Variants in CCDC141 observed in about 807,000 individuals in gnomAD.
CCDC141 encodes the protein coiled-coil domain-containing protein 141.
A neutral mutation model predicts 181.0 loss-of-function variants in CCDC141; 168 were observed. That is an observed-to-expected ratio of 0.93 (90% CI 0.82 to 1.05). The LOEUF is 1.05. Ranked by LOEUF, CCDC141 falls within the 50% of genes least tolerant of loss-of-function variation. The pLI, the probability that CCDC141 is intolerant of heterozygous loss-of-function variation, is 0.00. For synonymous variants in CCDC141, 666 were observed against 642.3 expected, an observed-to-expected ratio of 1.04 and a Z score of -0.56; for missense variants, 1,902 against 1,788.5, an observed-to-expected ratio of 1.06 and a Z score of -1.14.
the CCDC141 span, among the ~76,000 whole-genome samples, chr2:178,816,615 G>C: frequency 2.0e-5 from 3 of 152,160 alleles, no homozygotes; most frequent in Non-Finnish European, 4.4e-5. Flanking sequence ...AGAAACTGCC[G>C]AACTGTCTTC....
intron 8 of CCDC141, among the ~76,000 whole-genome samples, chr2:178,901,896 A>C (rs1489789621): frequency 1.3e-5 from 2 of 152,248 alleles, no homozygotes; most frequent in Admixed American, 1.3e-4. Context: ...GCTGATAAGC[A>C]ACTTCAGCAG....
intron 2 of CCDC141, among the ~76,000 whole-genome samples, chr2:179,017,282 G>T (rs1325456894): frequency 6.6e-6 from 1 of 152,066 alleles, no homozygotes; most frequent in East Asian, 1.9e-4. Context: ...AGACACCTGT[G>T]TTAAGGAACC....
Position 178,855,456 on chromosome 2 carries a change from A to G in CCDC141, c.2951T>C (p.Leu984Ser). ...TTTTTGCAAATCCTTCATGACTTCC[A>G]AAAGGACATTAACTTTATCACTTGG... ...NYPSDKVNVL[L>S]EVMKDLQKHV... Residue 984 changes from leucine (L) to serine (S), a missense_variant, in exon 19 of 24, where the codon TTG (leucine) becomes TCG (serine). By Grantham distance (145) the Leu-to-Ser change is moderately radical. Transcript: ENST00000443758. 6.2e-7 allele frequency: 1 copy of G among 1,611,852 alleles called. No homozygotes were observed.
At chr2:179,005,486 TA>T (rs1202691451) in intron 2 of CCDC141, among the ~76,000 whole-genome samples, 1 of 152,132 alleles carries the variant, frequency 6.6e-6, no homozygotes, top group South Asian at 2.1e-4. Context: ...TAAAAAACAA[TA>T]AAAAAGTAAC....
chr2:178,982,601 G>A (rs1394251456), intron 2 of CCDC141, among the ~76,000 whole-genome samples: 1 of 152,072 alleles, frequency 6.6e-6, no homozygotes, highest in Non-Finnish European at 1.5e-5. Flanking sequence ...CAGGTCAGTG[G>A]GTGCACGCAC....
At chr2:179,007,401 A>C (rs747813023) in intron 2 of CCDC141, among the ~76,000 whole-genome samples, 1 of 152,184 alleles carries the variant, frequency 6.6e-6, no homozygotes, top group Admixed American at 6.5e-5. Context: ...AGTAAATTGA[A>C]ATCTTTAAAT....
chr2:178,871,090 C>A (rs551491740), intron 14 of CCDC141, among the ~76,000 whole-genome samples: 1 of 152,016 alleles, frequency 6.6e-6, no homozygotes, highest in African/African-American at 2.4e-5. Context: ...TCTGAGATGT[C>A]TCAATTTAAA....
chr2:178,993,024 T>C (rs1276708235), intron 2 of CCDC141, among the ~76,000 whole-genome samples: 4 of 152,196 alleles, frequency 2.6e-5, no homozygotes, highest in Non-Finnish European at 2.9e-5. Context: ...CTCTTTCCTT[T>C]ATAAATTAGC....
chr2:179,019,290 C>T (rs887444652), intron 2 of CCDC141, among the ~76,000 whole-genome samples: 5 of 152,064 alleles, frequency 3.3e-5, no homozygotes, highest in African/African-American at 9.7e-5. Context: ...TCACGGTCTA[C>T]GTTGCTGATA....
chr2:178,961,322 T>A lies in CCDC141; in HGVS notation c.688A>T (p.Arg230Trp). 6.4e-7 allele frequency: 1 copy of A among 1,550,584 alleles called. No homozygotes were observed. The highest frequency in any genetic ancestry group is 8.7e-7 in the Non-Finnish European group (1 of 1,146,944). Residue 230 changes from arginine (R) to tryptophan (W), a missense_variant, in exon 5 of 24, where the codon AGG (arginine) becomes TGG (tryptophan). By Grantham distance (101) the Arg-to-Trp change is moderately radical (BLOSUM62 -3). Coordinates refer to ENST00000443758, the MANE Select transcript of CCDC141 (RefSeq NM_173648.4). The part of the protein sequence containing the change: ...VDRLLELLQD[R>W]RRQLDKYLKQ... ...AAGTACTTGTCTAGTTGTCTTCTCC[T>A]GTCTTGTAGAAGTTCAAGAAGGCGG... is the stretch of plus-strand genomic sequence containing the variant.
At chr2:178,891,811 C>T (rs913804568) in intron 8 of CCDC141, among the ~76,000 whole-genome samples, 1 of 151,610 alleles carries the variant, frequency 6.6e-6, no homozygotes, top group East Asian at 1.9e-4. Context: ...TTTTCAGTAA[C>T]CTTGGAGATT....
chr2:178,958,834 T>C (rs1215970586), intron 5 of CCDC141, among the ~76,000 whole-genome samples: 1 of 151,680 alleles, frequency 6.6e-6, no homozygotes, highest in Non-Finnish European at 1.5e-5. Context: ...GCTATTTTCT[T>C]ACTCTTGGGA....
intron 4 of CCDC141, 40 bp from the exon 5 acceptor site, chr2:178,961,523 G>A (rs1690401477): frequency 6.8e-7 from 1 of 1,466,604 alleles, no homozygotes; most frequent in Non-Finnish European, 9.2e-7. Context: ...AATGATATTA[G>A]CAAGCTTTTA....
chr2:179,033,488 T>G (rs533536124), intron 2 of CCDC141, among the ~76,000 whole-genome samples: 1 of 152,122 alleles, frequency 6.6e-6, no homozygotes. Context: ...TTTTCTAGAG[T>G]AGAAAGATCT....
intron 8 of CCDC141, among the ~76,000 whole-genome samples, chr2:178,901,544 C>T (rs1458534078): frequency 2.0e-5 from 3 of 152,098 alleles, no homozygotes; most frequent in African/African-American, 7.2e-5. Flanking sequence ...AGGCCTTTGA[C>T]AAAATTCAAC....
chr2:178,899,559 G>A (rs12996233), intron 8 of CCDC141, among the ~76,000 whole-genome samples: 3,577 of 152,180 alleles, frequency 0.024, 62 homozygotes, highest in Middle Eastern at 0.034. Flanking sequence ...AAATGTCATG[G>A]CATTGTTTTG....
chr2:178,856,537 C>CCTCTCT, intron 17 of CCDC141, 140 bp from the exon 18 acceptor site: 1 of 481,758 alleles, frequency 2.1e-6, no homozygotes, highest in Admixed American at 3.8e-5. Context: ...TCCCTCCCTC[C>CCTCTCT]CTCTCTCTTT....
intron 2 of CCDC141, among the ~76,000 whole-genome samples, chr2:179,020,702 C>G (rs751009093): frequency 6.6e-6 from 1 of 152,086 alleles, no homozygotes; most frequent in Non-Finnish European, 1.5e-5. Flanking sequence ...ATTATATATA[C>G]TAAAATGAGA....
chr2:178,921,844 T>C (rs1468531643), intron 6 of CCDC141, among the ~76,000 whole-genome samples: 1 of 152,212 alleles, frequency 6.6e-6, no homozygotes, highest in Admixed American at 6.5e-5. Flanking sequence ...GTTAGTTCAT[T>C]TCCTCTCTTT....
Sources: gnomAD v4.1 joint callset for allele counts (sites outside exome capture counted in the v4.1 genomes callset) on GRCh38, gnomAD v4.1.1 for gene constraint, MANE v1.5 for transcripts, NCBI Gene and HGNC (gene_info 2026-07-23, HGNC 2026-07-21) for gene names.